The following ZFPM2 variants were observed in gnomAD, a reference collection of about 807,000 sequenced individuals.
ZFPM2 encodes the protein zinc finger protein ZFPM2.
A neutral mutation model predicts 98.6 loss-of-function variants in ZFPM2; 20 were observed. The ratio of observed to expected loss-of-function variants is 0.20; its 90% CI spans 0.14 to 0.29. The LOEUF is 0.29. ZFPM2 is among the 10% of genes least tolerant of loss of function. ZFPM2 has a pLI of 1.00. For missense variants in ZFPM2, 1,310 were observed against 1,388.6 expected (o/e 0.94, Z 0.90); for synonymous variants, 518 against 502.7 (o/e 1.03, Z -0.41).
At chr8:105,350,459 A>G (rs1237560465) in intron 1 of ZFPM2, among the ~76,000 whole-genome samples, 1 of 152,216 alleles carries the variant, frequency 6.6e-6, no homozygotes, top group Non-Finnish European at 1.5e-5. Context: ...AGAATAAATA[A>G]TCAGATAAAT....
At chr8:105,554,071 A>G (rs930975024) in intron 3 of ZFPM2, among the ~76,000 whole-genome samples, 3 of 152,172 alleles carry the variant, frequency 2.0e-5, no homozygotes, top group African/African-American at 7.2e-5. Context: ...GTAGTTTAGT[A>G]TTTGTTGTGA....
chr8:105,534,019 C>T (rs1407919567), intron 3 of ZFPM2, among the ~76,000 whole-genome samples: 1 of 31,488 alleles, frequency 3.2e-5, no homozygotes, highest in African/African-American at 2.4e-4. Context: ...TTCCTCCCTT[C>T]TTCCCTTCCT....
At chr8:105,490,797 A>G (rs1044531278) in intron 3 of ZFPM2, among the ~76,000 whole-genome samples, 1 of 152,186 alleles carries the variant, frequency 6.6e-6, no homozygotes, top group Non-Finnish European at 1.5e-5. Context: ...AAAACTTCCA[A>G]TCTAATATAA....
At chr8:105,377,516 C>T (rs1255876177) in intron 1 of ZFPM2, among the ~76,000 whole-genome samples, 2 of 142,656 alleles carry the variant, frequency 1.4e-5, no homozygotes, top group Non-Finnish European at 3.0e-5. Flanking sequence ...AATCCCAGCA[C>T]TTTGGGAGGC....
intron 4 of ZFPM2, among the ~76,000 whole-genome samples, chr8:105,585,698 A>G (rs2130752183): frequency 6.6e-6 from 1 of 152,212 alleles, no homozygotes; most frequent in Non-Finnish European, 1.5e-5. Flanking sequence ...ATTAGTTATA[A>G]ATAGAGGAAA....
Position 105,801,205 on chromosome 8 carries a change from CAG to C in ZFPM2, c.1126_1127del (p.Arg376GlyfsTer12). 6.2e-7 allele frequency: 1 copy of C among 1,613,918 alleles called. No individual in the cohort carries two copies. The highest frequency in any genetic ancestry group is 8.5e-7 in the Non-Finnish European group (1 of 1,179,866). On this transcript the variant is annotated frameshift_variant, in exon 8 of 8. Transcript: ENST00000407775. LOFTEE classifies it high-confidence loss of function. ...CNHCHFGFQT[Q>X]RELLQHQELH... ...TCACTGCCATTTCGGCTTCCAGACT[CAG>C]AGGGAGTTATTGCAGCACCAGGAGC... is the stretch of plus-strand genomic sequence containing the variant.
At chr8:105,440,379 A>G (rs1433573731) in intron 2 of ZFPM2, among the ~76,000 whole-genome samples, 1 of 150,694 alleles carries the variant, frequency 6.6e-6, no homozygotes, top group Non-Finnish European at 1.5e-5. Context: ...TTTTTAGTTT[A>G]TGAAATCAGT....
intron 1 of ZFPM2, among the ~76,000 whole-genome samples, chr8:105,384,313 C>T (rs1810943232): frequency 6.6e-6 from 1 of 152,076 alleles, no homozygotes; most frequent in Non-Finnish European, 1.5e-5. Context: ...TCAACTTCGC[C>T]ACTGAGATAA....
chr8:105,639,580 T>A (rs1292336703), intron 5 of ZFPM2, among the ~76,000 whole-genome samples: 1 of 152,088 alleles, frequency 6.6e-6, no homozygotes, highest in Non-Finnish European at 1.5e-5. Context: ...CACTCTAATC[T>A]TGATTTTCTC....
intron 3 of ZFPM2, among the ~76,000 whole-genome samples, chr8:105,527,562 C>T (rs528922441): frequency 2.6e-5 from 4 of 152,332 alleles, no homozygotes; most frequent in African/African-American, 9.6e-5. Context: ...ATTAAAGGGG[C>T]TCCAGCCTTG....
intron 5 of ZFPM2, among the ~76,000 whole-genome samples, chr8:105,784,023 TAAC>T (rs1311399813): frequency 1.3e-5 from 2 of 152,146 alleles, no homozygotes; most frequent in Non-Finnish European, 2.9e-5. Flanking sequence ...TCTACATCCT[TAAC>T]AACACTTTTT....
rs11993239 is a variant in ZFPM2 at position 105,647,824 on chromosome 8, A to T, written c.532+13467A>T. Among the ~76,000 whole-genome samples the T allele has an allele frequency of 2.0e-5, 3 of 151,874 alleles. No homozygotes were observed. In the South Asian group the frequency reaches 6.2e-4, roughly 32 times the overall value. On this transcript the variant is annotated intron_variant, in intron 5 of 7. Coordinates refer to ENST00000407775, the MANE Select transcript of ZFPM2 (RefSeq NM_012082.4). ...CCAACTCTTTGCTGTTGTGAATAGCACCACAATAAATATACGTGTGCATGT... is the reference window on the plus strand; with the variant it reads ...CCAACTCTTTGCTGTTGTGAATAGCTCCACAATAAATATACGTGTGCATGT...
intron 5 of ZFPM2, among the ~76,000 whole-genome samples, chr8:105,685,128 C>T (rs1810701303): frequency 6.6e-6 from 1 of 152,030 alleles, no homozygotes; most frequent in African/African-American, 2.4e-5. Flanking sequence ...TCCAGCAAAG[C>T]TTTCTGTGAC....
intron 5 of ZFPM2, chr8:105,669,895 A>C (rs1343862205): frequency 6.6e-6 from 1 of 152,100 alleles, no homozygotes; most frequent in African/African-American, 2.4e-5. Flanking sequence ...ATGACTTTAC[A>C]TAAAGTCACT....
At chr8:105,510,811 G>T (rs1427511320) in intron 3 of ZFPM2, among the ~76,000 whole-genome samples, 1 of 152,194 alleles carries the variant, frequency 6.6e-6, no homozygotes, top group Non-Finnish European at 1.5e-5. Flanking sequence ...GAGGGACTGG[G>T]TCTGCCCCCT....
Position 105,384,242 on chromosome 8 carries a change from C to G in ZFPM2, c.41-34902C>G, listed in dbSNP as rs914701997. On this transcript the variant is annotated intron_variant, in intron 1 of 7. Coordinates refer to ENST00000407775, the MANE Select transcript of ZFPM2 (RefSeq NM_012082.4). ...TCCAATTCTTGTCTTTTGAGTTGCACAAGCCAAGACCACAGCATACATGAG... is the reference window on the plus strand; with the variant it reads ...TCCAATTCTTGTCTTTTGAGTTGCAGAAGCCAAGACCACAGCATACATGAG... Among the ~76,000 whole-genome samples, 5 of 152,082 alleles carry G rather than the reference C, an allele frequency of 3.3e-5. No homozygotes were observed. In the South Asian group the frequency reaches 1.0e-3, roughly 32 times the overall value.
chr8:105,666,353 C>G (rs1040625899), intron 5 of ZFPM2, among the ~76,000 whole-genome samples: 1 of 152,152 alleles, frequency 6.6e-6, no homozygotes, highest in African/African-American at 2.4e-5. Flanking sequence ...TGAAAATTAT[C>G]GATAACACAC....
At chr8:105,564,141 A>G (rs73307925) in intron 4 of ZFPM2, among the ~76,000 whole-genome samples, 11,211 of 151,994 alleles carry the variant, frequency 0.074, 818 homozygotes, top group African/African-American at 0.19. Flanking sequence ...ATATGACTGT[A>G]AAGCTATTTT....
At chr8:105,441,471 A>AAAG (rs1308325562) in intron 2 of ZFPM2, among the ~76,000 whole-genome samples, 1 of 125,702 alleles carries the variant, frequency 8.0e-6, no homozygotes, top group East Asian at 2.3e-4. Flanking sequence ...AGAAAGAAAG[A>AAAG]AAGAAAGAAA....
Sources: allele counts gnomAD v4.1 joint callset (sites outside exome capture counted in the v4.1 genomes callset), GRCh38; gene constraint gnomAD v4.1.1; transcripts MANE v1.5; gene names NCBI Gene and HGNC (gene_info 2026-07-23, HGNC 2026-07-21).